Variants in TFCP2 observed in about 807,000 individuals in gnomAD.
TFCP2 encodes alpha-globin transcription factor CP2.
TFCP2 carries 33 observed loss-of-function variants against 73.4 expected under a neutral mutation model. The observed-to-expected ratio is 0.45, with a 90% CI of 0.34 to 0.60. The LOEUF (loss-of-function observed/expected upper bound fraction) is 0.60. TFCP2 is among the 20% of genes least tolerant of loss of function. The probability of loss-of-function intolerance (pLI) is 0.01; values close to 1 mark genes in which losing one functional copy is unlikely to be tolerated. For missense variants in TFCP2, 352 were observed against 604.0 expected, an observed-to-expected ratio of 0.58 and a Z score of 4.37; for synonymous variants, 193 against 211.6, an observed-to-expected ratio of 0.91 and a Z score of 0.76.
In TFCP2 at chr12:51,103,695, G is replaced by A. The variant is rs1286296048; in HGVS notation, c.1035C>T (p.Phe345=). ...QWLHRNRFST[F]TRLFTNFSGA... ...CTGAGAAGTTTGTGAAAAGCCTTGT[G>A]AATGTAGAAAAACGATTTCGATGCA... is the stretch of plus-strand genomic sequence containing the variant. Residue 345 remains phenylalanine (F), a synonymous_variant, in exon 10 of 15, where the codon TTC becomes TTT. Transcript: ENST00000257915. 6.2e-7 allele frequency: 1 copy of A among 1,614,052 alleles called. No homozygotes were observed.
intron 1 of TFCP2, among the ~76,000 whole-genome samples, chr12:51,163,588 T>C (rs986594781): frequency 6.6e-6 from 1 of 151,652 alleles, no homozygotes; most frequent in East Asian, 1.9e-4. Flanking sequence ...AGACTCTGTC[T>C]CAAAAAATAA....
rs563277189 is a variant in TFCP2 at position 51,095,612 on chromosome 12, C to T, written c.1472-334G>A. 1.2e-4 allele frequency among the ~76,000 whole-genome samples: 18 copies of T among 151,852 alleles called. No homozygotes were observed. In the East Asian group the frequency reaches 2.7e-3, roughly 23 times the overall value. On this transcript the variant is annotated intron_variant, in intron 14 of 14. Transcript: ENST00000257915. ...GGTGGATCGCTTGAGGTCAGGAGTT[C>T]GAGACCAGCCTGGCCAACAAGGTGA... is the stretch of plus-strand genomic sequence containing the variant.
chr12:51,114,893 C>CT (rs2136979099), intron 4 of TFCP2, among the ~76,000 whole-genome samples: 1 of 151,600 alleles, frequency 6.6e-6, no homozygotes, highest in South Asian at 2.1e-4. Context: ...GAAACCCCGT[C>CT]TCTACCAAAA....
intron 1 of TFCP2, among the ~76,000 whole-genome samples, chr12:51,148,815 A>AG (rs1218711230): frequency 6.6e-6 from 1 of 151,776 alleles, no homozygotes; most frequent in African/African-American, 2.4e-5. Flanking sequence ...ACCTGAGGTC[A>AG]GGACTTTGAG....
chr12:51,105,389 GC>G (rs1461738583), intron 8 of TFCP2, among the ~76,000 whole-genome samples: 3 of 152,166 alleles, frequency 2.0e-5, no homozygotes, highest in Admixed American at 1.3e-4. Flanking sequence ...ACCGCGCCCA[GC>G]CTGTTTTTCT....
chr12:51,132,285 G>C (rs1000468686), intron 1 of TFCP2, among the ~76,000 whole-genome samples: 17 of 148,990 alleles, frequency 1.1e-4, no homozygotes, highest in Admixed American at 2.0e-4. Flanking sequence ...ACTGGATCTG[G>C]GCTGGTAACT....
intron 1 of TFCP2, among the ~76,000 whole-genome samples, chr12:51,122,946 T>C (rs1236060476): frequency 1.3e-5 from 2 of 152,206 alleles, no homozygotes; most frequent in African/African-American, 4.8e-5. Flanking sequence ...CTTAAAAGAT[T>C]AGTAAAGATT....
chr12:51,106,598 C>T lies in TFCP2; in HGVS notation c.844G>A (p.Glu282Lys), dbSNP rs1188724226. The T allele has an allele frequency of 1.9e-6, 3 of 1,613,244 alleles. No individual in the cohort carries two copies. The highest frequency in any genetic ancestry group is 8.5e-7 in the Non-Finnish European group (1 of 1,179,616). Residue 282 changes from glutamate (E) to lysine (K), a missense_variant, in exon 8 of 15, where the codon GAG becomes AAG. Around this residue, in one of 6 missense-constraint regions of TFCP2, gnomAD observed 47 missense variants for 89.1 expected, o/e 0.53. Coordinates refer to ENST00000257915, the MANE Select transcript of TFCP2 (RefSeq NM_005653.5). The stretch of plus-strand genomic sequence containing the variant: ...GGGGAGTTATTGACATACGTGATCT[C>T]GGGCCATGGAGAACACTAAAAACAA... The part of the protein sequence containing the change: ...TILTECSPWP[E>K]ITYVNNSPSP...
chr12:51,099,488 AAAAAG>A (rs1940054728), intron 12 of TFCP2, among the ~76,000 whole-genome samples, 162 bp downstream of exon 12: 1 of 152,186 alleles, frequency 6.6e-6, no homozygotes, highest in African/African-American at 2.4e-5. Flanking sequence ...AAAAAAAAAA[AAAAAG>A]AATGGCACCT....
rs1940529913 is a variant in TFCP2 at position 51,116,409 on chromosome 12, A to C, written c.363T>G (p.Arg121=). The change falls in exon 4 of 15, where the codon CGT becomes CGG. Residue 121 remains arginine (R), a synonymous_variant. Transcript: ENST00000257915. ...INGKLVKSIF[R]VVFHDRRLQY... is the part of the protein sequence containing the mutation. ...GAAGCCTTCTGTCATGGAACACCAC[A>C]CGGAATATACTCTAAAAGGATACAA... The C allele has an allele frequency of 1.3e-6, 2 of 1,587,530 alleles. No homozygotes were observed. The highest frequency in any genetic ancestry group is 2.7e-5 in the African/African-American group (2 of 74,346).
chr12:51,099,744 T>C lies in TFCP2; in HGVS notation c.1187A>G (p.Gln396Arg). The change falls in exon 12 of 15, where the codon CAG (glutamine) becomes CGG (arginine). Residue 396 changes from glutamine (Q) to arginine (R), a missense_variant. By Grantham distance (43) the Gln-to-Arg change is conservative (BLOSUM62 1). Transcript: ENST00000257915. The stretch of plus-strand genomic sequence containing the variant: ...CTGCTCCCTCAACTGCAGTGATTCC[T>C]GACAAACATAAATGGTTAACCTTGG... ...VRPRLTIYVCQESLQLREQQQ... is the reference protein window; with the variant it reads ...VRPRLTIYVCRESLQLREQQQ... 1 of 1,614,196 alleles carries C rather than the reference T, an allele frequency of 6.2e-7. No homozygotes were observed. Among genetic ancestry groups the C allele is most frequent in the Non-Finnish European group, 8.5e-7 (1 of 1,180,028 alleles).
chr12:51,105,246 G>A lies in TFCP2; in HGVS notation c.918-1043C>T, dbSNP rs1408423651. Among the ~76,000 whole-genome samples the A allele has an allele frequency of 4.0e-5, 6 of 151,552 alleles. No individual in the cohort carries two copies. In the East Asian group the frequency reaches 5.8e-4, roughly 15 times the overall value. On this transcript the variant is annotated intron_variant, in intron 8 of 14. Transcript: ENST00000257915. Reference sequence around the variant, plus strand: ...GTAGCTGGGATTACAGGCGCCCGCCGCCACACCTGGCTAATTTTTTTATTT... The same window carrying A: ...GTAGCTGGGATTACAGGCGCCCGCCACCACACCTGGCTAATTTTTTTATTT...
At chr12:51,155,592 T>C (rs1042102104) in intron 1 of TFCP2, among the ~76,000 whole-genome samples, 4 of 152,216 alleles carry the variant, frequency 2.6e-5, no homozygotes, top group African/African-American at 7.2e-5. Flanking sequence ...GGGTGTGAGG[T>C]AGCATCTTGG....
At chr12:51,119,760 A>T (rs925413785) in intron 1 of TFCP2, among the ~76,000 whole-genome samples, 4 of 151,862 alleles carry the variant, frequency 2.6e-5, no homozygotes, top group African/African-American at 9.7e-5. Flanking sequence ...CAAAAAAAAA[A>T]AATTAATTAA....
intron 1 of TFCP2, chr12:51,124,696 G>T (rs1363866631): frequency 1.5e-6 from 1 of 664,910 alleles, no homozygotes; most frequent in East Asian, 3.1e-5. Flanking sequence ...GCGGTGGCCA[G>T]TGAGTTGGCA....
chr12:51,107,396 C>T, intron 6 of TFCP2, 50 bp from the exon 7 acceptor site: 5 of 1,481,338 alleles, frequency 3.4e-6, no homozygotes, highest in Non-Finnish European at 4.6e-6. Flanking sequence ...CCTTTTAACC[C>T]AAAATATTGC....
rs1284050764 is a variant in TFCP2, at chr12:51,109,290, A to G, written c.565-17T>C. On this transcript the variant is annotated splice_polypyrimidine_tract_variant and intron_variant, in intron 5 of 14. Transcript: ENST00000257915. ...ACAGTGCACCTGAAAAGAATACAAC[A>G]GCAAGGCTTCAGTACCGCTAGCTAG... 1 of 1,613,748 alleles carries G rather than the reference A, an allele frequency of 6.2e-7. No individual in the cohort carries two copies.
chr12:51,163,226 G>C (rs1022238492), intron 1 of TFCP2, among the ~76,000 whole-genome samples: 2 of 151,944 alleles, frequency 1.3e-5, no homozygotes, highest in Non-Finnish European at 2.9e-5. Flanking sequence ...CCTGAATCTG[G>C]AAAGTGAAAG....
chr12:51,096,493 A>G (rs1004440402), intron 13 of TFCP2, among the ~76,000 whole-genome samples: 1 of 152,196 alleles, frequency 6.6e-6, no homozygotes, highest in African/African-American at 2.4e-5. Context: ...CCAGGATCCT[A>G]ATAAGGTGGC....
Sources: gnomAD v4.1 joint callset for allele counts (sites outside exome capture counted in the v4.1 genomes callset) on GRCh38, gnomAD v4.1.1 for gene constraint, gnomAD v4.1.1 regional missense constraint, MANE v1.5 for transcripts, NCBI Gene and HGNC (gene_info 2026-07-23, HGNC 2026-07-21) for gene names.